The following ZNF423 variants were observed in gnomAD, a reference collection of about 807,000 sequenced individuals.
ZNF423 encodes Ebf-associated zinc finger protein.
ZNF423 carries 12 observed loss-of-function variants against 95.8 expected under a neutral mutation model. That is an observed-to-expected ratio of 0.13 (90% CI 0.08 to 0.20). ZNF423 has a LOEUF of 0.20. ZNF423 is among the 10% of genes least tolerant of loss of function. ZNF423 has a pLI of 1.00. For missense variants in ZNF423, 1,316 were observed against 1,737.1 expected, an observed-to-expected ratio of 0.76 and a Z score of 4.31; for synonymous variants, 749 against 711.9, an observed-to-expected ratio of 1.05 and a Z score of -0.83.
chr16:49,765,408 T>C (rs1219760337), intron 2 of ZNF423, among the ~76,000 whole-genome samples: 1 of 152,144 alleles, frequency 6.6e-6, no homozygotes, highest in Non-Finnish European at 1.5e-5. Context: ...ACATATATTT[T>C]ACTATAATAA....
Position 49,806,876 on chromosome 16 carries a change from A to T in ZNF423, c.41-17330T>A, listed in dbSNP as rs190734645. 3.1e-3 allele frequency among the ~76,000 whole-genome samples: 478 copies of T among 152,108 alleles called. 1 individual carries two copies. Among genetic ancestry groups the T allele is most frequent in the African/African-American group, 0.011 (451 of 41,464 alleles). ...ACCCCGTCTCTACTAAAAATACAAAAATCAGCTGGGTATGGTAGCGCACGT... is the reference window on the plus strand; with the variant it reads ...ACCCCGTCTCTACTAAAAATACAAATATCAGCTGGGTATGGTAGCGCACGT... On this transcript the variant is annotated intron_variant, in intron 1 of 7. Transcript: ENST00000563137.
chr16:49,829,499 G>T (rs2035039898), intron 1 of ZNF423, among the ~76,000 whole-genome samples: 1 of 152,196 alleles, frequency 6.6e-6, no homozygotes, highest in African/African-American at 2.4e-5. Context: ...GGAGCAAAGT[G>T]ACCAAACCTG....
intron 3 of ZNF423, among the ~76,000 whole-genome samples, chr16:49,646,916 T>A (rs932134913): frequency 3.3e-5 from 5 of 152,188 alleles, no homozygotes; most frequent in Non-Finnish European, 5.9e-5. Context: ...CAGCTTTTTC[T>A]CAATTGATTC....
chr16:49,633,861 CA>C (rs1214060706), intron 4 of ZNF423, among the ~76,000 whole-genome samples: 2 of 152,226 alleles, frequency 1.3e-5, no homozygotes, highest in East Asian at 3.9e-4. Context: ...GGAGAGACTC[CA>C]GGCCCCAGCC....
At chr16:49,525,563 C>G in intron 5 of ZNF423, 69 bp from the exon 6 acceptor site, 1 of 1,597,516 alleles carries the variant, frequency 6.3e-7, no homozygotes, top group Non-Finnish European at 8.5e-7. Context: ...CTCACAAGGC[C>G]TCCCATAGAC....
chr16:49,612,308 T>C (rs1971750408), intron 5 of ZNF423, among the ~76,000 whole-genome samples: 1 of 151,210 alleles, frequency 6.6e-6, no homozygotes, highest in African/African-American at 2.4e-5. Context: ...GATATATATA[T>C]ATCAAGGATG....
At chr16:49,799,183 A>G (rs565166665) in intron 1 of ZNF423, among the ~76,000 whole-genome samples, 1 of 152,266 alleles carries the variant, frequency 6.6e-6, no homozygotes, top group South Asian at 2.1e-4. Flanking sequence ...AAATGGGGAT[A>G]ATCAGAATAC....
intron 5 of ZNF423, among the ~76,000 whole-genome samples, chr16:49,548,151 C>A (rs959164451): frequency 6.6e-6 from 1 of 152,150 alleles, no homozygotes; most frequent in Non-Finnish European, 1.5e-5. Flanking sequence ...CCTCACCCGA[C>A]CTCACCCAGT....
chr16:49,858,375 C>G (rs12926422), upstream of ZNF423, among the ~76,000 whole-genome samples: 3,457 of 152,074 alleles, frequency 0.023, 57 homozygotes, highest in Non-Finnish European at 0.036. This position sits in a 1 kb window ranked among gnomAD's most constrained non-coding sequence, Gnocchi z 4.3. Context: ...GGCTGATTGC[C>G]GAGGTAGATG....
intron 7 of ZNF423, among the ~76,000 whole-genome samples, chr16:49,512,554 T>C (rs1344097212): frequency 6.6e-6 from 1 of 152,196 alleles, no homozygotes; most frequent in African/African-American, 2.4e-5. Flanking sequence ...CGCCACAACA[T>C]GTGGTCACAT....
chr16:49,855,206 G>A lies in ZNF423; in HGVS notation c.40+529C>T, dbSNP rs1416804478. On this transcript the variant is annotated intron_variant, in intron 1 of 7. Coordinates refer to ENST00000563137, the MANE Select transcript of ZNF423 (RefSeq NM_001379286.1). The surrounding 1 kb of genome is among the most constrained non-coding windows in gnomAD (Gnocchi z 4.7). ...GGGGCGCTCGCCGACAGCGCCCGCC[G>A]CTCCCCGCGTCCTCGGGCGACCAGG... Among the ~76,000 whole-genome samples the A allele has an allele frequency of 6.6e-6, 1 of 150,624 alleles. No individual in the cohort carries two copies. The highest frequency in any genetic ancestry group is 1.5e-5 in the Non-Finnish European group (1 of 67,526).
At chr16:49,769,706 G>C (rs955316998) in intron 2 of ZNF423, among the ~76,000 whole-genome samples, 1 of 151,436 alleles carries the variant, frequency 6.6e-6, no homozygotes, top group Non-Finnish European at 1.5e-5. Flanking sequence ...TTTCTGCTCC[G>C]TCTTTCCCCT....
intron 2 of ZNF423, among the ~76,000 whole-genome samples, chr16:49,765,544 C>CCACACA (rs59923016): frequency 6.7e-5 from 10 of 149,178 alleles, no homozygotes; most frequent in Admixed American, 2.0e-4. Context: ...GACCTCATCT[C>CCACACA]CACACACACA....
intron 2 of ZNF423, among the ~76,000 whole-genome samples, chr16:49,740,710 T>C (rs2033396933): frequency 6.6e-6 from 1 of 152,186 alleles, no homozygotes; most frequent in Non-Finnish European, 1.5e-5. Context: ...GTCAGAGACA[T>C]TGAACCTGAC....
chr16:49,514,185 A>AACACACACACACAC (rs10597628), intron 7 of ZNF423, among the ~76,000 whole-genome samples: 1 of 142,920 alleles, frequency 7.0e-6, no homozygotes, highest in Admixed American at 7.0e-5. Flanking sequence ...CTGACCACCC[A>AACACACACACACAC]ACACACACAC....
At position 49,678,310 on chromosome 16, in the gene ZNF423, TTTTGTTTTGTTTTGTTTTGC is replaced by T. The variant is rs1425448943; in HGVS notation, c.302-39456_302-39437del. Among the ~76,000 whole-genome samples the T allele has an allele frequency of 1.2e-4, 11 of 93,108 alleles. No individual in the cohort carries two copies. In the East Asian group the frequency reaches 1.9e-3, roughly 16 times the overall value. 61.1% of individuals were successfully genotyped at this position (93,108 alleles called of 152,430 possible). On this transcript the variant is annotated intron_variant, in intron 3 of 7. Coordinates refer to ENST00000563137, the MANE Select transcript of ZNF423 (RefSeq NM_001379286.1). The stretch of plus-strand genomic sequence containing the variant: ...ACTGTGAGGTTTTTGTTTTGTTTTG[TTTTGTTTTGTTTTGTTTTGC>T]TTAAGGGGCACCATAAAAAAGTTAC...
At chr16:49,745,299 A>G (rs759745975) in intron 2 of ZNF423, among the ~76,000 whole-genome samples, 62 of 152,224 alleles carry the variant, frequency 4.1e-4, no homozygotes, top group Non-Finnish European at 8.5e-4. Context: ...CAAAACACTT[A>G]TGTTACTAAA....
chr16:49,537,172 C>T (rs1244326913), intron 5 of ZNF423, among the ~76,000 whole-genome samples: 1 of 152,228 alleles, frequency 6.6e-6, no homozygotes, highest in East Asian at 1.9e-4. Context: ...CACAGGAACA[C>T]TGCAGAGCCA....
At chr16:49,834,742 C>T (rs2035098387) in intron 1 of ZNF423, among the ~76,000 whole-genome samples, 2 of 152,104 alleles carry the variant, frequency 1.3e-5, no homozygotes, top group Admixed American at 6.5e-5. Context: ...TCCCTGGGGC[C>T]GGGCCGGCTC....
Sources: gnomAD v4.1 joint callset for allele counts (sites outside exome capture counted in the v4.1 genomes callset) on GRCh38, gnomAD v4.1.1 for gene constraint, Gnocchi (gnomAD v3.1) non-coding constraint, MANE v1.5 for transcripts, NCBI Gene and HGNC (gene_info 2026-07-23, HGNC 2026-07-21) for gene names.